Variants in CPS1 observed in about 807,000 individuals in gnomAD.
CPS1 encodes the protein carbamoyl-phosphate synthase 1, also known as carbamoyl-phosphate synthase [ammonia], mitochondrial.
In CPS1, 109 loss-of-function variants were observed where a neutral mutation model predicts 174.6. The ratio of observed to expected loss-of-function variants is 0.62; its 90% CI spans 0.53 to 0.73. The LOEUF (loss-of-function observed/expected upper bound fraction) is 0.73, where lower values mean the gene tolerates loss of function less well. Among genes scored for constraint, CPS1 ranks in the 30% least tolerant of loss-of-function variants. CPS1 has a pLI of 0.00. For missense variants in CPS1, 1,689 were observed against 1,821.9 expected, an observed-to-expected ratio of 0.93 and a Z score of 1.33; for synonymous variants, 637 against 632.0, an observed-to-expected ratio of 1.01 and a Z score of -0.12.
intron 1 of CPS1, among the ~76,000 whole-genome samples, chr2:210,486,862 C>CCTCACA (rs145445385): frequency 0.026 from 3,947 of 152,250 alleles, 66 homozygotes; most frequent in Non-Finnish European, 0.04. Context: ...AATCTGCCTT[C>CCTCACA]CTCACACTCT....
At chr2:210,639,968 C>T (rs1700166281) in intron 23 of CPS1, 28 bp from the exon 24 acceptor site, 1 of 1,519,060 alleles carries the variant, frequency 6.6e-7, no homozygotes. Flanking sequence ...TTAATGATTT[C>T]TGCATCTTCC....
At chr2:210,576,637 T>A in intron 3 of CPS1, 147 bp downstream of exon 3, 1 of 895,134 alleles carries the variant, frequency 1.1e-6, no homozygotes, top group Non-Finnish European at 1.8e-6. Context: ...CCTAGGTACA[T>A]GAGAATAATC....
At chr2:210,601,136 A>G (rs1417429029) in intron 15 of CPS1, among the ~76,000 whole-genome samples, 2 of 151,982 alleles carry the variant, frequency 1.3e-5, no homozygotes, top group Admixed American at 1.3e-4. Context: ...TTAGAATAAA[A>G]TGGATCCAGT....
chr2:210,668,955 A>G (rs1701197627), intron 34 of CPS1, among the ~76,000 whole-genome samples: 1 of 152,148 alleles, frequency 6.6e-6, no homozygotes, highest in Non-Finnish European at 1.5e-5. Flanking sequence ...GAATACATTG[A>G]TGTTATTTGA....
rs553030521 is a variant in CPS1, at chr2:210,608,683, T to A, written c.2391+124T>A. 5.4e-5 allele frequency: 49 copies of A among 900,318 alleles called. No homozygotes were observed. In the African/African-American group the frequency reaches 7.5e-4, roughly 14 times the overall value. The allele number at this position is 900,318 out of a possible 1,614,324, so 55.8% of individuals were successfully genotyped here. A position where few individuals can be genotyped will look rare whatever the true frequency, so the allele number is the denominator to read the frequency against. ...CACATGGACAGTGTTAAAGGTGCAA[T>A]TGACAGTGTTAAAGTTGCCTGAATA... On this transcript the variant is annotated intron_variant, in intron 19 of 37. Coordinates refer to ENST00000233072, the MANE Select transcript of CPS1 (RefSeq NM_001875.5).
chr2:210,634,061 A>G (rs1250864177), intron 21 of CPS1, among the ~76,000 whole-genome samples: 2 of 152,234 alleles, frequency 1.3e-5, no homozygotes, highest in African/African-American at 4.8e-5. Context: ...TAAACAAATG[A>G]GCAATTGGTT....
chr2:210,597,048 G>A (rs1360950449), intron 13 of CPS1, among the ~76,000 whole-genome samples: 1 of 151,816 alleles, frequency 6.6e-6, no homozygotes, highest in African/African-American at 2.4e-5. Context: ...TGTATGTATA[G>A]GATCTTTTCC....
intron 1 of CPS1, among the ~76,000 whole-genome samples, chr2:210,532,213 T>C (rs1696132294): frequency 6.6e-6 from 1 of 152,130 alleles, no homozygotes; most frequent in South Asian, 2.1e-4. Flanking sequence ...TGGAGGGTTA[T>C]TAGAGAGTTC....
chr2:210,666,503 A>G (rs927859525), intron 33 of CPS1, among the ~76,000 whole-genome samples: 5 of 152,218 alleles, frequency 3.3e-5, no homozygotes, highest in African/African-American at 1.2e-4. Context: ...TAATTTTTGT[A>G]TAAGGTGTAA....
At chr2:210,657,149 ATCTATG>A (rs1212729993) in intron 30 of CPS1, among the ~76,000 whole-genome samples, 3 of 152,094 alleles carry the variant, frequency 2.0e-5, no homozygotes, top group Non-Finnish European at 4.4e-5. Flanking sequence ...ACTTTCTGGA[ATCTATG>A]CTTTCCCTTC....
chr2:210,619,990 G>C (rs1192602211), intron 21 of CPS1: 1 of 151,890 alleles, frequency 6.6e-6, no homozygotes, highest in Non-Finnish European at 1.5e-5. Context: ...TGTAGATGAC[G>C]GGTTGATGGG....
intron 1 of CPS1, among the ~76,000 whole-genome samples, chr2:210,543,471 C>T (rs1696484803): frequency 6.6e-6 from 1 of 151,948 alleles, no homozygotes; most frequent in Non-Finnish European, 1.5e-5. Context: ...TTCCTTCTGG[C>T]TGGGGTGCTT....
Position 210,668,278 on chromosome 2 carries a change from C to T in CPS1, c.4095C>T (p.Gly1365=), listed in dbSNP as rs751650710. 6.2e-7 allele frequency: 1 copy of T among 1,611,232 alleles called. No homozygotes were observed. Among genetic ancestry groups the T allele is most frequent in the Non-Finnish European group, 8.5e-7 (1 of 1,177,376 alleles). ...TACCCCAGAAAGGCATCCTGATAGG[C>T]ATCCAGGTAAGTGGTTTGTGGCTGT... ...FKIPQKGILI[G]IQQSFRPRFL... The change falls in exon 34 of 38, where the codon GGC becomes GGT. Residue 1365 remains glycine (G), a synonymous_variant. Transcript: ENST00000233072.
At chr2:210,615,810 A>T (rs1699286093) in intron 20 of CPS1, among the ~76,000 whole-genome samples, 2 of 152,056 alleles carry the variant, frequency 1.3e-5, no homozygotes, top group Non-Finnish European at 2.9e-5. Flanking sequence ...ATATATTAGG[A>T]TTTTAAAAAA....
chr2:210,591,357 CTT>C (rs1295656098), intron 9 of CPS1, among the ~76,000 whole-genome samples: 1 of 151,932 alleles, frequency 6.6e-6, no homozygotes, highest in African/African-American at 2.4e-5. Flanking sequence ...CTTGGTTTCT[CTT>C]TTTTGCCTCA....
intron 11 of CPS1, chr2:210,593,817 T>C (rs1049704410): frequency 3.4e-6 from 1 of 290,354 alleles, no homozygotes; most frequent in Non-Finnish European, 5.1e-6. Flanking sequence ...CCAAAATCAG[T>C]ATTATATTAC....
chr2:210,587,337 C>G (rs1038072538), intron 6 of CPS1, among the ~76,000 whole-genome samples: 12 of 152,022 alleles, frequency 7.9e-5, no homozygotes, highest in Admixed American at 7.9e-4. Context: ...GTGTGCCCAC[C>G]CTTCTAGGCT....
intron 29 of CPS1, 95 bp downstream of exon 29, chr2:210,654,197 C>A (rs1451426417): frequency 2.7e-6 from 3 of 1,129,028 alleles, no homozygotes; most frequent in Admixed American, 1.8e-5. Flanking sequence ...TTCATAATAT[C>A]TATAAAACAG....
upstream of CPS1, among the ~76,000 whole-genome samples, chr2:210,554,183 A>G (rs570483912): frequency 7.1e-3 from 763 of 108,146 alleles, 43 homozygotes; most frequent in African/African-American, 0.026. Flanking sequence ...ATGTATATAT[A>G]CACACACACA....
Sources: gnomAD v4.1 joint callset for allele counts (sites outside exome capture counted in the v4.1 genomes callset) on GRCh38, gnomAD v4.1.1 for gene constraint, MANE v1.5 for transcripts, NCBI Gene and HGNC (gene_info 2026-07-23, HGNC 2026-07-21) for gene names.